The following RAB27B variants were observed in gnomAD, a reference collection of about 807,000 sequenced individuals.
RAB27B encodes ras-related protein Rab-27B.
A neutral mutation model predicts 24.6 loss-of-function variants in RAB27B; 15 were observed. The observed-to-expected ratio is 0.61, with a 90% CI of 0.41 to 0.94. The LOEUF is 0.94. Ranked by LOEUF, RAB27B falls within the 40% of genes least tolerant of loss-of-function variation. RAB27B has a pLI of 0.00. For missense variants in RAB27B, 261 were observed against 266.8 expected, an observed-to-expected ratio of 0.98 and a Z score of 0.15; for synonymous variants, 105 against 92.5, an observed-to-expected ratio of 1.14 and a Z score of -0.78.
chr18:54,730,010 G>A (rs569064470), intron 2 of RAB27B, among the ~76,000 whole-genome samples: 11 of 82,082 alleles, frequency 1.3e-4, no homozygotes, highest in Non-Finnish European at 2.6e-4. Context: ...AATAAGAAGT[G>A]ATAATTTGGG....
chr18:54,804,892 C>CTTTCTCTCTTTCTT (rs1555657997), intron 2 of RAB27B, among the ~76,000 whole-genome samples: 1 of 47,890 alleles, frequency 2.1e-5, no homozygotes, highest in Admixed American at 2.2e-4. Flanking sequence ...TTCTTTCTTT[C>CTTTCTCTCTTTCTT]TCTTTCTCTC....
At chr18:54,867,401 G>T (rs991448828) in intron 1 of RAB27B, among the ~76,000 whole-genome samples, 2 of 149,714 alleles carry the variant, frequency 1.3e-5, no homozygotes, top group African/African-American at 2.5e-5. Flanking sequence ...AGCTGGCTGG[G>T]CATATCTTTG....
At chr18:54,782,295 T>C (rs1299704397) in intron 2 of RAB27B, among the ~76,000 whole-genome samples, 2 of 152,208 alleles carry the variant, frequency 1.3e-5, no homozygotes, top group East Asian at 3.8e-4. Flanking sequence ...TGTATTGAAA[T>C]TTGACTTCAA....
At chr18:54,783,891 A>G (rs980675197) in intron 2 of RAB27B, among the ~76,000 whole-genome samples, 1 of 151,924 alleles carries the variant, frequency 6.6e-6, no homozygotes, top group Non-Finnish European at 1.5e-5. Context: ...TTACATAGGT[A>G]GGAGCACATT....
At chr18:54,725,062 G>A (rs1265989861) in intron 2 of RAB27B, among the ~76,000 whole-genome samples, 2 of 151,442 alleles carry the variant, frequency 1.3e-5, no homozygotes, top group African/African-American at 4.8e-5. Flanking sequence ...TGACTCCTGT[G>A]GCAGAGAGGT....
intron 1 of RAB27B, among the ~76,000 whole-genome samples, chr18:54,874,748 T>C (rs923541475): frequency 6.6e-6 from 1 of 152,220 alleles, no homozygotes; most frequent in Non-Finnish European, 1.5e-5. Flanking sequence ...CTTTAGTTAC[T>C]AATATCGTAT....
intron 2 of RAB27B, among the ~76,000 whole-genome samples, chr18:54,805,786 C>A (rs1401645482): frequency 6.6e-6 from 1 of 152,102 alleles, no homozygotes; most frequent in Non-Finnish European, 1.5e-5. Flanking sequence ...ACTTAAGTTC[C>A]TACTTTGAAG....
intron 1 of RAB27B, among the ~76,000 whole-genome samples, chr18:54,840,944 C>A (rs547476362): frequency 1.3e-5 from 2 of 151,916 alleles, no homozygotes; most frequent in Admixed American, 1.3e-4. Context: ...GTCAGGAGTT[C>A]GAGACCAGCC....
intron 2 of RAB27B, among the ~76,000 whole-genome samples, chr18:54,765,581 C>G (rs924383743): frequency 6.6e-6 from 1 of 152,112 alleles, no homozygotes; most frequent in Non-Finnish European, 1.5e-5. Flanking sequence ...TCATTTGTAC[C>G]TTATGGAGAC....
At chr18:54,879,569 A>G (rs2145276082) in intron 3 of RAB27B, 115 bp downstream of exon 3, 2 of 844,936 alleles carry the variant, frequency 2.4e-6, no homozygotes, top group Admixed American at 3.9e-5. Flanking sequence ...TCCTGGTTTC[A>G]AAATAGACAT....
At chr18:54,883,095 G>A (rs1912992993) in intron 3 of RAB27B, among the ~76,000 whole-genome samples, 2 of 152,120 alleles carry the variant, frequency 1.3e-5, no homozygotes. Flanking sequence ...AACCAGAAGG[G>A]TGGTGATGTC....
chr18:54,855,457 G>T (rs1911745998), intron 1 of RAB27B, among the ~76,000 whole-genome samples: 1 of 152,154 alleles, frequency 6.6e-6, no homozygotes, highest in Non-Finnish European at 1.5e-5. Flanking sequence ...TCAAAGGGTG[G>T]TGTCCAAGGT....
intron 2 of RAB27B, among the ~76,000 whole-genome samples, chr18:54,722,193 T>C (rs1280564500): frequency 1.3e-5 from 2 of 152,196 alleles, no homozygotes; most frequent in Non-Finnish European, 2.9e-5. Flanking sequence ...ACCACTCCTG[T>C]ACCGCTTTCT....
intron 2 of RAB27B, among the ~76,000 whole-genome samples, chr18:54,770,570 C>T (rs114071383): frequency 1.3e-5 from 2 of 151,870 alleles, no homozygotes; most frequent in Non-Finnish European, 2.9e-5. Flanking sequence ...TAATAATAAT[C>T]GAAACAAAGT....
At chr18:54,866,454 C>T (rs1424225808) in intron 1 of RAB27B, among the ~76,000 whole-genome samples, 1 of 152,242 alleles carries the variant, frequency 6.6e-6, no homozygotes, top group Non-Finnish European at 1.5e-5. Context: ...TGCCACCACA[C>T]CCGGCTAATT....
chr18:54,734,547 A>C (rs1909832095), intron 2 of RAB27B, among the ~76,000 whole-genome samples: 1 of 148,526 alleles, frequency 6.7e-6, no homozygotes, highest in African/African-American at 2.5e-5. Flanking sequence ...ATAGGTTCTC[A>C]TAATGACTTG....
At chr18:54,846,286 A>G (rs543882993) in intron 1 of RAB27B, among the ~76,000 whole-genome samples, 16 of 152,344 alleles carry the variant, frequency 1.1e-4, no homozygotes, top group Admixed American at 1.0e-3. Context: ...CACATAGAAA[A>G]CAAGGTTCTG....
intron 2 of RAB27B, among the ~76,000 whole-genome samples, chr18:54,756,735 A>G (rs1352179886): frequency 6.6e-6 from 1 of 152,128 alleles, no homozygotes. Flanking sequence ...AATATGGATG[A>G]ATGGGTAGAA....
At chr18:54,875,898 A>G (rs1194224899) in intron 1 of RAB27B, among the ~76,000 whole-genome samples, 1 of 152,102 alleles carries the variant, frequency 6.6e-6, no homozygotes, top group African/African-American at 2.4e-5. Flanking sequence ...GTACATGTAC[A>G]TGTACCAATT....
Sources: allele counts gnomAD v4.1 joint callset (sites outside exome capture counted in the v4.1 genomes callset), GRCh38; gene constraint gnomAD v4.1.1; transcripts MANE v1.5; gene names NCBI Gene and HGNC (gene_info 2026-07-23, HGNC 2026-07-21).